Variants in NKAIN2 observed in about 807,000 individuals in gnomAD.
NKAIN2 encodes the protein sodium/potassium-transporting ATPase subunit beta-1-interacting protein 2.
NKAIN2 carries 14 observed loss-of-function variants against 32.6 expected under a neutral mutation model. The observed-to-expected ratio is 0.43, with a 90% CI of 0.28 to 0.67. The LOEUF (loss-of-function observed/expected upper bound fraction) is 0.67. Among genes scored for constraint, NKAIN2 ranks in the 30% least tolerant of loss-of-function variants. NKAIN2 has a pLI of 0.17. For missense variants in NKAIN2, 198 were observed against 258.3 expected (o/e 0.77, Z 1.60); for synonymous variants, 80 against 87.2 (o/e 0.92, Z 0.46).
intron 1 of NKAIN2, among the ~76,000 whole-genome samples, chr6:124,161,202 A>G (rs1227808365): frequency 6.6e-6 from 1 of 152,138 alleles, no homozygotes; most frequent in Non-Finnish European, 1.5e-5. Context: ...GAAGCTTACA[A>G]TCATGGTGGA....
intron 1 of NKAIN2, among the ~76,000 whole-genome samples, chr6:123,941,348 G>T (rs985875925): frequency 6.6e-6 from 1 of 151,660 alleles, no homozygotes; most frequent in South Asian, 2.1e-4. Context: ...AGGTAAACCA[G>T]TCATATAGTC....
intron 3 of NKAIN2, among the ~76,000 whole-genome samples, chr6:124,638,380 GCA>G (rs932853060): frequency 6.6e-6 from 1 of 152,130 alleles, no homozygotes; most frequent in Admixed American, 6.6e-5. Context: ...GACTTCAAAT[GCA>G]CAGTCAATGA....
At chr6:124,641,347 TC>T (rs1308812080) in intron 3 of NKAIN2, among the ~76,000 whole-genome samples, 1 of 152,074 alleles carries the variant, frequency 6.6e-6, no homozygotes, top group African/African-American at 2.4e-5. Context: ...AAGAAGGCAG[TC>T]GCGATAAGAC....
At chr6:123,914,346 A>G (rs149692335) in intron 1 of NKAIN2, among the ~76,000 whole-genome samples, 2,028 of 152,080 alleles carry the variant, frequency 0.013, 28 homozygotes, top group Middle Eastern at 0.031. Context: ...GGAAAAAGAC[A>G]TGTCGGGAGG....
At chr6:123,996,553 G>T (rs1779628042) in intron 1 of NKAIN2, among the ~76,000 whole-genome samples, 2 of 152,164 alleles carry the variant, frequency 1.3e-5, no homozygotes, top group African/African-American at 2.4e-5. Flanking sequence ...CTGAAAGTTT[G>T]AGAATAACAT....
intron 1 of NKAIN2, among the ~76,000 whole-genome samples, chr6:124,100,780 C>T (rs1308741544): frequency 2.0e-5 from 3 of 152,150 alleles, no homozygotes; most frequent in Admixed American, 2.0e-4. Context: ...GAATTGTTGT[C>T]CATTTCTTGT....
chr6:124,696,244 A>G (rs1197710116), intron 4 of NKAIN2, among the ~76,000 whole-genome samples: 1 of 152,134 alleles, frequency 6.6e-6, no homozygotes, highest in African/African-American at 2.4e-5. Flanking sequence ...GGTTTGTATG[A>G]ATCACTTTGC....
intron 1 of NKAIN2, among the ~76,000 whole-genome samples, chr6:124,226,977 A>G (rs188833088): frequency 1.1e-4 from 17 of 152,030 alleles, no homozygotes; most frequent in Middle Eastern, 3.4e-3. Context: ...TATAACCTCT[A>G]TCTCACAGGT....
At chr6:123,970,118 T>TAC (rs1778269950) in intron 1 of NKAIN2, among the ~76,000 whole-genome samples, 1 of 151,790 alleles carries the variant, frequency 6.6e-6, no homozygotes, top group South Asian at 2.1e-4. Flanking sequence ...TGGATATATA[T>TAC]ATATATATGT....
chr6:123,912,277 C>A (rs1462638550), intron 1 of NKAIN2, among the ~76,000 whole-genome samples: 1 of 151,868 alleles, frequency 6.6e-6, no homozygotes, highest in East Asian at 1.9e-4. Context: ...TATTAAAAAT[C>A]TAATATGATA....
At chr6:124,681,084 T>C (rs1389730353) in intron 4 of NKAIN2, among the ~76,000 whole-genome samples, 1 of 152,034 alleles carries the variant, frequency 6.6e-6, no homozygotes, top group African/African-American at 2.4e-5. Context: ...CTTTGTTTTA[T>C]AGATGAGAAC....
chr6:124,768,647 C>T (rs1179374624), intron 4 of NKAIN2, among the ~76,000 whole-genome samples: 4 of 152,066 alleles, frequency 2.6e-5, no homozygotes, highest in Non-Finnish European at 5.9e-5. Flanking sequence ...AACATACTCT[C>T]AAACATTTCC....
chr6:123,987,730 C>T (rs2114680520), intron 1 of NKAIN2, among the ~76,000 whole-genome samples: 1 of 152,332 alleles, frequency 6.6e-6, no homozygotes, highest in East Asian at 1.9e-4. Flanking sequence ...TCCATCTTCA[C>T]AGCCAGTGAC....
chr6:123,882,961 T>TGG lies in NKAIN2; in HGVS notation c.54+78710_54+78711dup, dbSNP rs199558242. 1.2e-4 allele frequency among the ~76,000 whole-genome samples: 18 copies of TGG among 151,828 alleles called. No individual in the cohort carries two copies. The South Asian group carries it at 3.1e-3, about 26-fold the overall frequency. On this transcript the variant is annotated intron_variant, in intron 1 of 6. Coordinates refer to ENST00000368417, the MANE Select transcript of NKAIN2 (RefSeq NM_001040214.3). ...AAACGGTGAGCCTTCTTGTTTGGTC[T>TGG]GGGGTGTGTGTGTGTGTGTGTACGT...
intron 4 of NKAIN2, among the ~76,000 whole-genome samples, chr6:124,710,945 G>C (rs1267401140): frequency 6.6e-6 from 1 of 150,838 alleles, no homozygotes; most frequent in Admixed American, 6.6e-5. Context: ...TTACGTTTTG[G>C]CATGATTTTG....
chr6:124,136,317 T>A (rs977136006), intron 1 of NKAIN2, among the ~76,000 whole-genome samples: 2 of 152,070 alleles, frequency 1.3e-5, no homozygotes, highest in Non-Finnish European at 2.9e-5. Flanking sequence ...AAATCAGGAA[T>A]AAATAGCAAC....
chr6:124,800,595 ATTAAT>A (rs779825872), intron 5 of NKAIN2, among the ~76,000 whole-genome samples: 10 of 152,260 alleles, frequency 6.6e-5, no homozygotes, highest in Non-Finnish European at 1.5e-4. Flanking sequence ...TATAATTACG[ATTAAT>A]TTAAAGTTTA....
At chr6:123,865,120 G>T (rs1461454431) in intron 1 of NKAIN2, among the ~76,000 whole-genome samples, 1 of 152,018 alleles carries the variant, frequency 6.6e-6, no homozygotes, top group Middle Eastern at 3.3e-3. Context: ...TCTTAAAATT[G>T]TCAATAGGTC....
chr6:124,425,288 A>G (rs975193472), intron 3 of NKAIN2, among the ~76,000 whole-genome samples: 2 of 152,146 alleles, frequency 1.3e-5, no homozygotes, highest in East Asian at 1.9e-4. Context: ...GAAATTAGAC[A>G]TGTATCTTAT....
Sources: gnomAD v4.1 joint callset for allele counts (sites outside exome capture counted in the v4.1 genomes callset) on GRCh38, gnomAD v4.1.1 for gene constraint, MANE v1.5 for transcripts, NCBI Gene and HGNC (gene_info 2026-07-23, HGNC 2026-07-21) for gene names.